SNTG1: variants seen among roughly 807,000 people sequenced by gnomAD.
The protein encoded by SNTG1 is gamma-1-syntrophin.
SNTG1 carries 39 observed loss-of-function variants against 74.7 expected under a neutral mutation model. The ratio of observed to expected loss-of-function variants is 0.52; its 90% CI spans 0.40 to 0.68. SNTG1 has a LOEUF of 0.68. Among genes scored for constraint, SNTG1 ranks in the 30% least tolerant of loss-of-function variants. The pLI is 0.00. For synonymous variants in SNTG1, 254 were observed against 217.1 expected, an observed-to-expected ratio of 1.17 and a Z score of -1.49; for missense variants, 685 against 609.5, an observed-to-expected ratio of 1.12 and a Z score of -1.30.
chr8:50,175,169 A>C (rs2131675737), intron 2 of SNTG1, among the ~76,000 whole-genome samples: 1 of 152,150 alleles, frequency 6.6e-6, no homozygotes, highest in Non-Finnish European at 1.5e-5. Flanking sequence ...GCCGCAATAA[A>C]CATACGTGTG....
Position 50,792,856 on chromosome 8 carries a change from C to A in SNTG1, c.*27C>A, listed in dbSNP as rs1339666707. ...ATACTGAACTCTTCATTGACACACC[C>A]CATGACTGTATAAGCAGGACACATT... is the stretch of plus-strand genomic sequence containing the variant. On this transcript the variant is annotated 3_prime_UTR_variant, in exon 19 of 19. Coordinates refer to ENST00000642720, the MANE Select transcript of SNTG1 (RefSeq NM_018967.5). The A allele has an allele frequency of 3.1e-6, 5 of 1,596,410 alleles. No individual in the cohort carries two copies. Among genetic ancestry groups the A allele is most frequent in the East Asian group, 2.2e-5 (1 of 44,500 alleles).
intron 1 of SNTG1, among the ~76,000 whole-genome samples, chr8:50,159,532 A>G (rs1317782638): frequency 2.0e-5 from 3 of 152,226 alleles, no homozygotes; most frequent in African/African-American, 4.8e-5. Flanking sequence ...TCTCTTTACT[A>G]TAATCTCAAT....
At chr8:50,225,270 A>G (rs1000340631) in intron 2 of SNTG1, among the ~76,000 whole-genome samples, 2 of 152,130 alleles carry the variant, frequency 1.3e-5, no homozygotes, top group African/African-American at 4.8e-5. Context: ...AACATTTTAA[A>G]TCTGTTCTCT....
chr8:50,155,569 T>C (rs2082227306), intron 1 of SNTG1, among the ~76,000 whole-genome samples: 1 of 151,876 alleles, frequency 6.6e-6, no homozygotes, highest in Non-Finnish European at 1.5e-5. Flanking sequence ...GTTTAGAAAT[T>C]CCCAAATATT....
chr8:50,740,021 G>A (rs1247719938), intron 17 of SNTG1, among the ~76,000 whole-genome samples: 2 of 151,888 alleles, frequency 1.3e-5, no homozygotes, highest in Non-Finnish European at 2.9e-5. Flanking sequence ...TAAAAACTCT[G>A]GAATACAGCC....
chr8:50,172,790 A>G (rs2082857087), intron 2 of SNTG1, among the ~76,000 whole-genome samples, 155 bp downstream of exon 2: 1 of 73,714 alleles, frequency 1.4e-5, no homozygotes, highest in African/African-American at 5.2e-5. Context: ...AAAAAAAAAC[A>G]AAACCTCTTG....
chr8:50,418,038 C>T (rs2093035739), intron 4 of SNTG1, among the ~76,000 whole-genome samples: 1 of 152,088 alleles, frequency 6.6e-6, no homozygotes, highest in Non-Finnish European at 1.5e-5. Flanking sequence ...AACCAAGCAA[C>T]TATAATTTCC....
chr8:50,247,931 G>A (rs2086473959), intron 2 of SNTG1, among the ~76,000 whole-genome samples: 1 of 152,072 alleles, frequency 6.6e-6, no homozygotes, highest in African/African-American at 2.4e-5. Flanking sequence ...TTGTTGGCAG[G>A]GTTGGTTTCT....
intron 2 of SNTG1, among the ~76,000 whole-genome samples, chr8:50,319,201 CA>C (rs1365689200): frequency 6.6e-6 from 1 of 151,824 alleles, no homozygotes; most frequent in Non-Finnish European, 1.5e-5. Flanking sequence ...TACATACTTA[CA>C]AAAGTACAAA....
chr8:49,936,382 T>C (rs538212058), intron 1 of SNTG1, among the ~76,000 whole-genome samples: 1 of 152,242 alleles, frequency 6.6e-6, no homozygotes. Flanking sequence ...TAATATGAGT[T>C]CATTTTATAG....
intron 8 of SNTG1, among the ~76,000 whole-genome samples, chr8:50,502,515 A>G (rs1236191134): frequency 1.3e-5 from 2 of 152,230 alleles, no homozygotes; most frequent in Non-Finnish European, 2.9e-5. Context: ...AATATAGAGC[A>G]TAAACTCAGG....
At chr8:50,526,455 G>A (rs766515403) in intron 9 of SNTG1, among the ~76,000 whole-genome samples, 13 of 151,888 alleles carry the variant, frequency 8.6e-5, no homozygotes, top group Non-Finnish European at 1.8e-4. Context: ...AGCTTACCTG[G>A]GTTACTGTGA....
At chr8:50,298,443 G>T (rs887149217) in intron 2 of SNTG1, among the ~76,000 whole-genome samples, 5 of 152,040 alleles carry the variant, frequency 3.3e-5, no homozygotes, top group African/African-American at 9.7e-5. Flanking sequence ...TGTAAGCAGA[G>T]AAAACTCATT....
At chr8:49,915,151 C>T (rs1167906257) in intron 1 of SNTG1, 1 of 152,146 alleles carries the variant, frequency 6.6e-6, no homozygotes, top group Non-Finnish European at 1.5e-5. Context: ...CTGAATTTTT[C>T]TTCCTTAAAT....
At chr8:50,342,457 A>G (rs547806082) in intron 2 of SNTG1, among the ~76,000 whole-genome samples, 2 of 152,202 alleles carry the variant, frequency 1.3e-5, no homozygotes, top group Non-Finnish European at 2.9e-5. Context: ...TACTCTTTGC[A>G]TTGCAAAAAT....
intron 2 of SNTG1, among the ~76,000 whole-genome samples, chr8:50,217,998 A>G (rs1465778604): frequency 6.6e-6 from 1 of 152,190 alleles, no homozygotes; most frequent in Non-Finnish European, 1.5e-5. Context: ...AATATAACAA[A>G]AATACCAAGT....
intron 2 of SNTG1, among the ~76,000 whole-genome samples, chr8:50,268,143 A>G (rs2087575586): frequency 6.6e-6 from 1 of 152,244 alleles, no homozygotes; most frequent in Non-Finnish European, 1.5e-5. Context: ...AAAATTGAAA[A>G]TACAATACCA....
intron 1 of SNTG1, among the ~76,000 whole-genome samples, chr8:50,150,605 G>A (rs140947990): frequency 6.6e-6 from 1 of 152,074 alleles, no homozygotes; most frequent in Non-Finnish European, 1.5e-5. Flanking sequence ...TAGCATGAAG[G>A]GTTGTTGAAT....
intron 17 of SNTG1, among the ~76,000 whole-genome samples, chr8:50,736,937 C>A (rs557301421): frequency 2.2e-4 from 33 of 152,152 alleles, no homozygotes; most frequent in African/African-American, 7.7e-4. Context: ...ATTTATAGCA[C>A]TAAATTCCCA....
Sources: gnomAD v4.1 joint callset for allele counts (sites outside exome capture counted in the v4.1 genomes callset) on GRCh38, gnomAD v4.1.1 for gene constraint, MANE v1.5 for transcripts, NCBI Gene and HGNC (gene_info 2026-07-23, HGNC 2026-07-21) for gene names.